The following IMMP2L variants were observed in gnomAD, a reference collection of about 807,000 sequenced individuals.
The protein encoded by IMMP2L is mitochondrial inner membrane protease subunit 2.
Under a neutral mutation model 19.3 loss-of-function variants are expected in IMMP2L, and 18 were observed. That is an observed-to-expected ratio of 0.93 (90% CI 0.64 to 1.38). The LOEUF (loss-of-function observed/expected upper bound fraction) is 1.38. Ranked by LOEUF, IMMP2L falls within the 40% of genes most tolerant of loss-of-function variation. The pLI is 0.00. For synonymous variants in IMMP2L, 76 were observed against 73.0 expected, an observed-to-expected ratio of 1.04 and a Z score of -0.21; for missense variants, 233 against 218.2, an observed-to-expected ratio of 1.07 and a Z score of -0.43.
intron 5 of IMMP2L, among the ~76,000 whole-genome samples, chr7:110,819,223 C>T (rs543304533): frequency 6.6e-6 from 1 of 151,868 alleles, no homozygotes. Context: ...TTGGGTGGAA[C>T]CTTGCTGGAA....
chr7:111,268,934 T>C (rs988030895), intron 3 of IMMP2L, among the ~76,000 whole-genome samples: 3 of 152,088 alleles, frequency 2.0e-5, no homozygotes, highest in African/African-American at 7.2e-5. Flanking sequence ...TTATCTTTTC[T>C]GGTCCTTGGT....
chr7:110,699,758 T>C (rs1429639632), intron 5 of IMMP2L, among the ~76,000 whole-genome samples: 1 of 70,766 alleles, frequency 1.4e-5, no homozygotes, highest in Non-Finnish European at 2.8e-5. Flanking sequence ...ACTGAGACTC[T>C]ACCTCAAAAA....
At chr7:110,769,802 C>G (rs925814837) in intron 5 of IMMP2L, among the ~76,000 whole-genome samples, 2 of 151,940 alleles carry the variant, frequency 1.3e-5, no homozygotes, top group African/African-American at 4.8e-5. Context: ...TACTGCTGAC[C>G]CAATAAGTGA....
At chr7:111,195,873 T>C (rs567613172) in intron 3 of IMMP2L, among the ~76,000 whole-genome samples, 70 of 151,990 alleles carry the variant, frequency 4.6e-4, no homozygotes, top group African/African-American at 1.7e-3. Context: ...TGCTCTATCA[T>C]TTCATTTCAT....
At chr7:111,422,902 A>C (rs575958187) in intron 3 of IMMP2L, among the ~76,000 whole-genome samples, 1 of 151,854 alleles carries the variant, frequency 6.6e-6, no homozygotes, top group Non-Finnish European at 1.5e-5. Context: ...ATCAATACCT[A>C]GTTTATTGAA....
At chr7:110,879,387 C>CA (rs35022284) in intron 5 of IMMP2L, among the ~76,000 whole-genome samples, 49,818 of 141,996 alleles carry the variant, frequency 0.35, 9,497 homozygotes, top group East Asian at 0.68. Context: ...GAATCTATCT[C>CA]AAAAAAAAAA....
intron 3 of IMMP2L, among the ~76,000 whole-genome samples, chr7:111,307,282 C>CAATGTTACATG (rs1457157039): frequency 2.0e-5 from 3 of 151,414 alleles, no homozygotes; most frequent in African/African-American, 7.3e-5. Context: ...AATATTTGGC[C>CAATGTTACATG]AATGTTACAT....
chr7:111,117,443 T>G (rs1800025789), intron 3 of IMMP2L, among the ~76,000 whole-genome samples: 2 of 152,116 alleles, frequency 1.3e-5, no homozygotes, highest in Non-Finnish European at 2.9e-5. Context: ...AAACAAATTT[T>G]CTTTCGGTGT....
intron 5 of IMMP2L, among the ~76,000 whole-genome samples, chr7:110,784,571 TA>T (rs1562973015): frequency 6.6e-6 from 1 of 151,976 alleles, no homozygotes; most frequent in Non-Finnish European, 1.5e-5. Flanking sequence ...GAGTGATTTT[TA>T]AAAAATGTAA....
intron 3 of IMMP2L, among the ~76,000 whole-genome samples, chr7:111,319,872 C>G (rs1824497625): frequency 1.3e-5 from 2 of 151,976 alleles, no homozygotes; most frequent in African/African-American, 4.8e-5. Context: ...TTTCGGCTGC[C>G]ACATTCCATG....
intron 3 of IMMP2L, among the ~76,000 whole-genome samples, chr7:111,356,913 A>G (rs1046687646): frequency 1.0e-4 from 15 of 150,728 alleles, no homozygotes; most frequent in Admixed American, 5.3e-4. Flanking sequence ...TGTAATTCCA[A>G]CTACTCAGGA....
chr7:110,828,358 G>A (rs559676679), intron 5 of IMMP2L, among the ~76,000 whole-genome samples: 43 of 152,234 alleles, frequency 2.8e-4, no homozygotes, highest in African/African-American at 7.7e-4. Context: ...TAGTAAGAGC[G>A]TTAGGTCTGG....
In IMMP2L at chr7:111,537,413, TTC is replaced by T. The variant is rs568144661; in HGVS notation, c.-2-15966_-2-15965del. Among the ~76,000 whole-genome samples, 24 of 152,154 alleles carry T rather than the reference TTC, an allele frequency of 1.6e-4. No individual in the cohort carries two copies. In the East Asian group the frequency reaches 3.7e-3, roughly 23 times the overall value. ...GAAAAAAATAGAAATCATCCTAACT[TTC>T]TCTTACTTTAAATCGTTCAATAACT... On this transcript the variant is annotated intron_variant, in intron 1 of 5. Coordinates refer to ENST00000405709, the MANE Select transcript of IMMP2L (RefSeq NM_032549.4).
At chr7:110,751,706 C>T (rs1184978937) in intron 5 of IMMP2L, among the ~76,000 whole-genome samples, 1 of 151,786 alleles carries the variant, frequency 6.6e-6, no homozygotes, top group Non-Finnish European at 1.5e-5. Flanking sequence ...TTTGTTTAAG[C>T]CTAGATTGCA....
intron 5 of IMMP2L, among the ~76,000 whole-genome samples, chr7:110,736,246 G>T (rs1796627275): frequency 6.6e-6 from 1 of 152,190 alleles, no homozygotes; most frequent in African/African-American, 2.4e-5. Flanking sequence ...GGCACAGGCA[G>T]GGCTATCACA....
At chr7:110,996,324 A>G (rs1823023826) in intron 3 of IMMP2L, among the ~76,000 whole-genome samples, 1 of 152,118 alleles carries the variant, frequency 6.6e-6, no homozygotes, top group Admixed American at 6.6e-5. Flanking sequence ...GAAAAACTAC[A>G]ACACATTTCA....
intron 5 of IMMP2L, among the ~76,000 whole-genome samples, chr7:110,726,634 AG>A (rs1795902187): frequency 6.6e-6 from 1 of 152,224 alleles, no homozygotes; most frequent in Non-Finnish European, 1.5e-5. Flanking sequence ...TCTGAAGAAT[AG>A]GAGATCTCTT....
chr7:110,982,174 C>T (rs1376731961), intron 3 of IMMP2L, among the ~76,000 whole-genome samples: 1 of 151,918 alleles, frequency 6.6e-6, no homozygotes, highest in Non-Finnish European at 1.5e-5. Flanking sequence ...AGTGATTTTC[C>T]CTGTATAATT....
intron 2 of IMMP2L, among the ~76,000 whole-genome samples, chr7:111,516,284 A>G (rs1845859268): frequency 6.6e-6 from 1 of 152,114 alleles, no homozygotes; most frequent in African/African-American, 2.4e-5. Flanking sequence ...TGATGTATGC[A>G]ACCTACTTTC....
Sources: allele counts gnomAD v4.1 joint callset (sites outside exome capture counted in the v4.1 genomes callset), GRCh38; gene constraint gnomAD v4.1.1; transcripts MANE v1.5; gene names NCBI Gene and HGNC (gene_info 2026-07-23, HGNC 2026-07-21).